RBFOX1: variants seen among roughly 807,000 people sequenced by gnomAD.
RBFOX1 encodes the protein RNA binding protein fox-1 homolog 1.
Under a neutral mutation model 57.7 loss-of-function variants are expected in RBFOX1, and 8 were observed. That is an observed-to-expected ratio of 0.14 (90% CI 0.08 to 0.25). The LOEUF (loss-of-function observed/expected upper bound fraction) is 0.25, where lower values mean the gene tolerates loss of function less well. RBFOX1 is among the 10% of genes least tolerant of loss of function. The pLI, the probability that RBFOX1 is intolerant of heterozygous loss-of-function variation, is 1.00. For missense variants in RBFOX1, 611 were observed against 548.5 expected (o/e 1.11, Z -1.14); for synonymous variants, 326 against 222.4 (o/e 1.47, Z -4.15).
At chr16:6,008,698 A>T (rs559313442) in intron 4 of RBFOX1, among the ~76,000 whole-genome samples, 1 of 152,356 alleles carries the variant, frequency 6.6e-6, no homozygotes, top group South Asian at 2.1e-4. Flanking sequence ...AGATGGACAC[A>T]GCACCCTGGC....
intron 4 of RBFOX1, among the ~76,000 whole-genome samples, chr16:7,341,065 T>C (rs2096881455): frequency 6.6e-6 from 1 of 152,124 alleles, no homozygotes; most frequent in Admixed American, 6.5e-5. Flanking sequence ...TTAAAGGTTG[T>C]TTTGGGTAAG....
intron 2 of RBFOX1, among the ~76,000 whole-genome samples, chr16:6,401,079 G>C (rs908765248): frequency 6.6e-6 from 1 of 152,062 alleles, no homozygotes; most frequent in Non-Finnish European, 1.5e-5. Context: ...TCATTAAAAG[G>C]AACCAAAACT....
chr16:7,501,976 G>A (rs1184077704), intron 4 of RBFOX1, among the ~76,000 whole-genome samples: 2 of 152,108 alleles, frequency 1.3e-5, no homozygotes, highest in Non-Finnish European at 2.9e-5. Flanking sequence ...CCTAACTCCT[G>A]AAACAATTGC....
intron 3 of RBFOX1, among the ~76,000 whole-genome samples, chr16:5,737,632 T>A (rs1356583117): frequency 1.3e-5 from 2 of 151,854 alleles, no homozygotes; most frequent in African/African-American, 4.8e-5. Flanking sequence ...AAATCTGTAC[T>A]TCTCACTAAG....
chr16:6,526,855 A>ACAAC (rs2096586849), intron 2 of RBFOX1, among the ~76,000 whole-genome samples: 1 of 138,662 alleles, frequency 7.2e-6, no homozygotes, highest in South Asian at 2.1e-4. Context: ...AAAAAAAAAA[A>ACAAC]AAAACAACCA....
chr16:6,500,499 G>A (rs1180370987), intron 2 of RBFOX1, among the ~76,000 whole-genome samples: 1 of 152,140 alleles, frequency 6.6e-6, no homozygotes, highest in Non-Finnish European at 1.5e-5. Flanking sequence ...GGTCTACACA[G>A]ATCAACTTTT....
At chr16:7,390,449 C>G (rs1568578984) in intron 4 of RBFOX1, among the ~76,000 whole-genome samples, 1 of 152,194 alleles carries the variant, frequency 6.6e-6, no homozygotes, top group Non-Finnish European at 1.5e-5. Flanking sequence ...TTGCAGGGAC[C>G]TTACTCACAT....
chr16:5,492,732 C>G (rs1048793201), intron 2 of RBFOX1, among the ~76,000 whole-genome samples: 17 of 152,202 alleles, frequency 1.1e-4, no homozygotes, highest in Admixed American at 3.9e-4. Flanking sequence ...TCAGTGCCCC[C>G]AGAATAGTTC....
chr16:6,631,010 G>C (rs2098378622), intron 2 of RBFOX1, among the ~76,000 whole-genome samples: 1 of 152,094 alleles, frequency 6.6e-6, no homozygotes, highest in Non-Finnish European at 1.5e-5. Context: ...CTAACTCCTT[G>C]GTTGTCAACC....
intron 4 of RBFOX1, among the ~76,000 whole-genome samples, chr16:5,933,000 T>G (rs563917439): frequency 1.6e-4 from 24 of 152,186 alleles, no homozygotes; most frequent in African/African-American, 5.8e-4. Context: ...ATGACGCCAC[T>G]TAGCTGTGGT....
chr16:5,478,611 C>G (rs1020298462), intron 2 of RBFOX1, among the ~76,000 whole-genome samples: 1 of 152,200 alleles, frequency 6.6e-6, no homozygotes, highest in Non-Finnish European at 1.5e-5. Context: ...CCCCAAGATT[C>G]CGATGTGCAG....
intron 4 of RBFOX1, among the ~76,000 whole-genome samples, chr16:5,920,875 C>G (rs576969219): frequency 1.5e-5 from 2 of 131,794 alleles, no homozygotes; most frequent in Non-Finnish European, 3.4e-5. Flanking sequence ...AGGAAAAGCA[C>G]AGACACTTCC....
chr16:6,052,658 C>A (rs902247560), intron 1 of RBFOX1, among the ~76,000 whole-genome samples: 3 of 151,862 alleles, frequency 2.0e-5, no homozygotes, highest in African/African-American at 7.2e-5. Context: ...GTGGCGGGCG[C>A]CTGTAGTCCC....
chr16:6,640,031 C>T (rs1406324902), intron 2 of RBFOX1, among the ~76,000 whole-genome samples: 1 of 152,134 alleles, frequency 6.6e-6, no homozygotes, highest in African/African-American at 2.4e-5. Flanking sequence ...ACCCCATTTT[C>T]TGAAATACAG....
rs531477408 is a variant in RBFOX1, at chr16:5,693,972, C to T, written c.318+95011C>T. 2.6e-5 allele frequency among the ~76,000 whole-genome samples: 4 copies of T among 152,312 alleles called. No individual in the cohort carries two copies. In the East Asian group the frequency reaches 7.7e-4, roughly 29 times the overall value. ...ACCCATTTTCCCCAGTTAGAGTAGA[C>T]ATCTTGTCTATCTTTTGCTAGCATC... On this transcript the variant is annotated intron_variant, in intron 3 of 19. Transcript: ENST00000641259.
intron 2 of RBFOX1, among the ~76,000 whole-genome samples, chr16:6,614,806 C>T (rs190982183): frequency 6.6e-6 from 1 of 152,142 alleles, no homozygotes; most frequent in Admixed American, 6.5e-5. Flanking sequence ...GTCATATTGA[C>T]CTAGGGACTC....
intron 4 of RBFOX1, among the ~76,000 whole-genome samples, chr16:7,172,048 A>G (rs1232707111): frequency 2.0e-5 from 3 of 149,030 alleles, no homozygotes; most frequent in Non-Finnish European, 2.9e-5. Context: ...CACAATTCAC[A>G]TGATATTGGG....
intron 2 of RBFOX1, among the ~76,000 whole-genome samples, chr16:5,529,490 A>T (rs1301575134): frequency 1.3e-5 from 2 of 148,958 alleles, no homozygotes; most frequent in Non-Finnish European, 3.0e-5. Context: ...TCTGCCTCCT[A>T]GGTTCAAGCA....
rs984365323 is a variant in RBFOX1, at chr16:7,021,613, TATA to T, written c.-15-30440_-15-30438del. On this transcript the variant is annotated intron_variant, in intron 3 of 15. Coordinates refer to ENST00000550418, the MANE Select transcript of RBFOX1 (RefSeq NM_018723.4). ...GTAAAATATTTTATTTTTTATAAAA[TATA>T]ATATTTTATAAATTATATAAAAATT... 3.4e-5 allele frequency among the ~76,000 whole-genome samples: 5 copies of T among 146,794 alleles called. No individual in the cohort carries two copies. In the East Asian group the frequency reaches 7.9e-4, roughly 23 times the overall value.
Sources: allele counts gnomAD v4.1 joint callset (sites outside exome capture counted in the v4.1 genomes callset), GRCh38; gene constraint gnomAD v4.1.1; transcripts MANE v1.5; gene names NCBI Gene and HGNC (gene_info 2026-07-23, HGNC 2026-07-21).